MAP3K5: variants seen among roughly 807,000 people sequenced by gnomAD.
MAP3K5 encodes the protein mitogen-activated protein kinase kinase kinase 5.
Under a neutral mutation model 158.7 loss-of-function variants are expected in MAP3K5, and 56 were observed. That is an observed-to-expected ratio of 0.35 (90% confidence interval 0.28 to 0.44). The LOEUF is 0.44. Among genes scored for constraint, MAP3K5 ranks in the 20% least tolerant of loss-of-function variants. MAP3K5 has a pLI of 1.00. For synonymous variants in MAP3K5, 579 were observed against 601.7 expected, an observed-to-expected ratio of 0.96 and a Z score of 0.55; for missense variants, 1,294 against 1,674.8, an observed-to-expected ratio of 0.77 and a Z score of 3.97.
chr6:136,720,162 A>C (rs1781690450), intron 2 of MAP3K5, among the ~76,000 whole-genome samples: 1 of 152,112 alleles, frequency 6.6e-6, no homozygotes, highest in Non-Finnish European at 1.5e-5. Context: ...TACCTTATGC[A>C]ATCTCCCTTC....
chr6:136,669,310 C>G lies in MAP3K5; in HGVS notation c.1339G>C (p.Glu447Gln), dbSNP rs916441346. 10 of 1,613,522 alleles carry G rather than the reference C, an allele frequency of 6.2e-6. No homozygotes were observed. In the African/African-American group the frequency reaches 6.7e-5, roughly 11 times the overall value. ...VLLLAAGHQF[E>Q]SSFELRKVGV... ...ACTTTCCGGAGCTCAAAGGAAGATT[C>G]AAACTGGTGTCCAGCTGCCAGGAGG... Residue 447 changes from glutamate (E) to glutamine (Q), a missense_variant, in exon 8 of 30, where the codon GAA becomes CAA. By Grantham distance (29) the Glu-to-Gln change is conservative (BLOSUM62 2). Coordinates refer to ENST00000359015, the MANE Select transcript of MAP3K5 (RefSeq NM_005923.4).
rs557086800 is a variant in MAP3K5, at chr6:136,787,616, G to T, written c.448+4094C>A. Among the ~76,000 whole-genome samples, 45 of 152,262 alleles carry T rather than the reference G, an allele frequency of 3.0e-4. No individual in the cohort carries two copies. In the South Asian group the frequency reaches 9.3e-3, roughly 32 times the overall value. ...CTAATGCTTTGTGCCTGCATCCCAT[G>T]CCACCTTGCCTTTGTAAATTCACAG... is the stretch of plus-strand genomic sequence containing the variant. On this transcript the variant is annotated intron_variant, in intron 1 of 29. Coordinates refer to ENST00000359015, the MANE Select transcript of MAP3K5 (RefSeq NM_005923.4).
intron 14 of MAP3K5, among the ~76,000 whole-genome samples, chr6:136,636,498 C>T: frequency 6.6e-6 from 1 of 152,206 alleles, no homozygotes; most frequent in South Asian, 2.1e-4. Flanking sequence ...AAAATGGTGG[C>T]CATGTGTCAA....
intron 1 of MAP3K5, among the ~76,000 whole-genome samples, chr6:136,779,184 T>C (rs1222995958): frequency 6.6e-6 from 1 of 151,600 alleles, no homozygotes; most frequent in Non-Finnish European, 1.5e-5. Context: ...GAGGCAGAGG[T>C]TGCAGTGAGC....
chr6:136,596,759 A>C (rs1775650544), intron 21 of MAP3K5, among the ~76,000 whole-genome samples: 1 of 152,206 alleles, frequency 6.6e-6, no homozygotes, highest in African/African-American at 2.4e-5. Context: ...TTGTGGTGGA[A>C]ATATGATCAA....
At chr6:136,588,843 T>G (rs952464575) in intron 23 of MAP3K5, among the ~76,000 whole-genome samples, 2 of 152,162 alleles carry the variant, frequency 1.3e-5, no homozygotes, top group Non-Finnish European at 2.9e-5. Context: ...CTCCCTGGAC[T>G]CAGAGGCCAG....
chr6:136,720,376 A>G, intron 2 of MAP3K5, 74 bp downstream of exon 2: 1 of 1,340,232 alleles, frequency 7.5e-7, no homozygotes, highest in Non-Finnish European at 1.0e-6. Context: ...AGCTACTTAA[A>G]ATGTTTGGAT....
intron 14 of MAP3K5, among the ~76,000 whole-genome samples, chr6:136,626,118 C>T (rs922603615): frequency 2.6e-5 from 4 of 152,320 alleles, no homozygotes; most frequent in South Asian, 2.1e-4. Context: ...TGGGTACACA[C>T]GCATGACTCG....
intron 1 of MAP3K5, among the ~76,000 whole-genome samples, chr6:136,759,127 C>T (rs1377298401): frequency 2.0e-5 from 3 of 151,898 alleles, no homozygotes; most frequent in Non-Finnish European, 2.9e-5. Flanking sequence ...GCCAAGATTA[C>T]GCCACTGTAC....
chr6:136,765,858 T>C (rs1368029866), intron 1 of MAP3K5, among the ~76,000 whole-genome samples: 1 of 151,858 alleles, frequency 6.6e-6, no homozygotes, highest in South Asian at 2.1e-4. Context: ...ACCTTATAGA[T>C]GAGAAAACTA....
At chr6:136,594,329 G>C (rs1040691231) in intron 21 of MAP3K5, among the ~76,000 whole-genome samples, 1 of 152,142 alleles carries the variant, frequency 6.6e-6, no homozygotes. Context: ...AGGTTTGAAG[G>C]GGGGCCCAAA....
At chr6:136,731,540 A>T (rs1403327579) in intron 1 of MAP3K5, among the ~76,000 whole-genome samples, 1 of 152,188 alleles carries the variant, frequency 6.6e-6, no homozygotes, top group Non-Finnish European at 1.5e-5. Flanking sequence ...ACACACCCAG[A>T]TGATCCAGGA....
intron 1 of MAP3K5, among the ~76,000 whole-genome samples, chr6:136,749,285 A>C (rs181480632): frequency 6.6e-6 from 1 of 152,046 alleles, no homozygotes; most frequent in Admixed American, 6.6e-5. Context: ...AGGTAGGAGA[A>C]TCGCTTGAAC....
At position 136,708,403 on chromosome 6, in the gene MAP3K5, C is replaced by T. The variant is rs936930365; in HGVS notation, c.589-3270G>A. The stretch of plus-strand genomic sequence containing the variant: ...CCCAAGTAGCTGGGACCACAGGTGC[C>T]TGCCACCATGCCTGGCTAATTTTTG... On this transcript the variant is annotated intron_variant, in intron 2 of 29. Transcript: ENST00000359015. Among the ~76,000 whole-genome samples, 21 of 151,992 alleles carry T rather than the reference C, an allele frequency of 1.4e-4. No individual in the cohort carries two copies. The East Asian group carries it at 4.1e-3, about 29-fold the overall frequency.
chr6:136,784,374 A>C (rs1056589041), intron 1 of MAP3K5, among the ~76,000 whole-genome samples: 2 of 152,206 alleles, frequency 1.3e-5, no homozygotes, highest in East Asian at 3.8e-4. Context: ...CTTTTAAAAA[A>C]ATTATAGTTT....
chr6:136,770,730 C>T (rs754833331), intron 1 of MAP3K5, among the ~76,000 whole-genome samples: 20 of 152,244 alleles, frequency 1.3e-4, no homozygotes, highest in South Asian at 6.2e-4. Context: ...GTACTCCAGC[C>T]TGGGCAACAC....
intron 1 of MAP3K5, among the ~76,000 whole-genome samples, chr6:136,781,675 G>A (rs893260238): frequency 3.9e-5 from 6 of 152,156 alleles, no homozygotes; most frequent in Admixed American, 2.0e-4. Flanking sequence ...TCTCATTGAA[G>A]AGTAAGATAA....
At chr6:136,582,113 T>A (rs901086546) in intron 24 of MAP3K5, among the ~76,000 whole-genome samples, 19 of 151,952 alleles carry the variant, frequency 1.3e-4, no homozygotes, top group Non-Finnish European at 5.9e-5. Flanking sequence ...TCTTATTAGG[T>A]GGAAGAGGGA....
At chr6:136,664,413 G>A (rs1309510882) in intron 8 of MAP3K5, among the ~76,000 whole-genome samples, 2 of 152,098 alleles carry the variant, frequency 1.3e-5, no homozygotes, top group Non-Finnish European at 2.9e-5. Context: ...CACAATAAAT[G>A]TAATGTGCCT....
Sources: allele counts gnomAD v4.1 joint callset (sites outside exome capture counted in the v4.1 genomes callset), GRCh38; gene constraint gnomAD v4.1.1; transcripts MANE v1.5; gene names NCBI Gene and HGNC (gene_info 2026-07-23, HGNC 2026-07-21).